The following DOCK11 variants were observed in gnomAD, a reference collection of about 807,000 sequenced individuals.
DOCK11 encodes the protein dedicator of cytokinesis 11, also known as dedicator of cytokinesis protein 11.
In DOCK11, 70 loss-of-function variants were observed where a neutral mutation model predicts 169.1. The ratio of observed to expected loss-of-function variants is 0.41; its 90% confidence interval spans 0.34 to 0.51. DOCK11 has a LOEUF of 0.51. Among genes scored for constraint, DOCK11 ranks in the 20% least tolerant of loss-of-function variants. The probability of loss-of-function intolerance (pLI) is 0.10; values close to 1 mark genes in which losing one functional copy is unlikely to be tolerated. For missense variants in DOCK11, 1,166 were observed against 1,538.8 expected, an observed-to-expected ratio of 0.76 and a Z score of 4.05; for synonymous variants, 529 against 541.3, an observed-to-expected ratio of 0.98 and a Z score of 0.32.
intron 1 of DOCK11, among the ~76,000 whole-genome samples, chrX:118,534,620 G>C (rs1254578503): frequency 8.9e-6 from 1 of 112,235 alleles, no homozygotes; most frequent in East Asian, 2.8e-4. Flanking sequence ...TTAAGTTGTT[G>C]TTCCTAAATT....
Position 118,536,209 on chromosome X carries a change from G to C in DOCK11, c.103-6516G>C, listed in dbSNP as rs2011746862. On this transcript the variant is annotated intron_variant, in intron 1 of 52. Coordinates refer to ENST00000276202, the MANE Select transcript of DOCK11 (RefSeq NM_144658.4). ...GCTACTTGGGAGGCTGAGGTGGGAGGATTGCCTGAGCCCAGGGAGGTTGAG... is the reference window on the plus strand; with the variant it reads ...GCTACTTGGGAGGCTGAGGTGGGAGCATTGCCTGAGCCCAGGGAGGTTGAG... Among the ~76,000 whole-genome samples, 3 of 110,185 alleles carry C rather than the reference G, an allele frequency of 2.7e-5. No individual in the cohort carries two copies. The Admixed American group carries it at 2.9e-4, about 11-fold the overall frequency.
chrX:118,580,803 T>C (rs1431393097), intron 14 of DOCK11, among the ~76,000 whole-genome samples: 1 of 112,309 alleles, frequency 8.9e-6, no homozygotes, highest in Admixed American at 9.4e-5. Context: ...GCAGAAATTA[T>C]AGTGAGTTAT....
rs773005721 is a variant in DOCK11 at position 118,652,088 on chromosome X, A to C, written c.4695+11A>C. On this transcript the variant is annotated intron_variant, in intron 42 of 52. Coordinates refer to ENST00000276202, the MANE Select transcript of DOCK11 (RefSeq NM_144658.4). The stretch of plus-strand genomic sequence containing the variant: ...GACAGACCTATGAAGGTATGTTCTC[A>C]TTTCAGATAATAAATTAGAACCACC... 1 of 1,067,554 alleles carries C rather than the reference A, an allele frequency of 9.4e-7. No homozygotes were observed. The highest frequency in any genetic ancestry group is 1.3e-6 in the Non-Finnish European group (1 of 779,144). 88.0% of individuals were successfully genotyped at this position (1,067,554 alleles called of 1,213,427 possible).
chrX:118,531,440 A>C (rs951902471), intron 1 of DOCK11, among the ~76,000 whole-genome samples: 75 of 85,818 alleles, frequency 8.7e-4, no homozygotes, highest in African/African-American at 2.6e-3. Context: ...AAAAAAAAAA[A>C]AAAAAAAAAA....
At chrX:118,664,575 G>A (rs1378386704) in intron 45 of DOCK11, among the ~76,000 whole-genome samples, 1 of 110,611 alleles carries the variant, frequency 9.0e-6, no homozygotes, top group Non-Finnish European at 1.9e-5. Context: ...AATTTGGGAG[G>A]TGGAGGTTGC....
chrX:118,577,050 A>G (rs1189549964), intron 12 of DOCK11, among the ~76,000 whole-genome samples: 1 of 112,661 alleles, frequency 8.9e-6, no homozygotes, highest in African/African-American at 3.2e-5. Context: ...TTCTTCACCC[A>G]CTTACTCACT....
intron 40 of DOCK11, among the ~76,000 whole-genome samples, chrX:118,647,964 A>ATAT (rs1351240770): frequency 2.1e-5 from 1 of 47,324 alleles, no homozygotes; most frequent in African/African-American, 8.7e-5. Flanking sequence ...AATATATAAT[A>ATAT]TATAATTATA....
At chrX:118,599,313 A>C in intron 23 of DOCK11, 85 bp downstream of exon 23, 1 of 698,578 alleles carries the variant, frequency 1.4e-6, no homozygotes, top group Non-Finnish European at 2.2e-6. Flanking sequence ...AAAAGCAAAC[A>C]GACAGTTTAA....
intron 36 of DOCK11, 109 bp downstream of exon 36, chrX:118,636,521 G>A (rs989857551): frequency 5.7e-6 from 2 of 349,279 alleles, no homozygotes; most frequent in Non-Finnish European, 9.7e-6. Context: ...TGTAGAAAAT[G>A]TTAAATTATT....
intron 6 of DOCK11, among the ~76,000 whole-genome samples, chrX:118,551,864 G>A (rs1006579744): frequency 7.2e-5 from 8 of 110,442 alleles, no homozygotes; most frequent in African/African-American, 1.6e-4. Context: ...ACGAAACCTC[G>A]CCTCTACAAA....
chrX:118,648,686 C>T (rs1272850378), intron 40 of DOCK11, among the ~76,000 whole-genome samples: 2 of 103,351 alleles, frequency 1.9e-5, no homozygotes, highest in African/African-American at 7.0e-5. Flanking sequence ...TCGAGCTCTT[C>T]TCAGATCTAT....
At chrX:118,585,937 T>G (rs1157513120) in intron 16 of DOCK11, among the ~76,000 whole-genome samples, 1 of 112,212 alleles carries the variant, frequency 8.9e-6, no homozygotes, top group Non-Finnish European at 1.9e-5. Flanking sequence ...TAAGGCAAAT[T>G]AAACAATATG....
chrX:118,628,740 AGTC>A (rs1174832027), intron 34 of DOCK11, among the ~76,000 whole-genome samples: 1 of 112,687 alleles, frequency 8.9e-6, no homozygotes, highest in East Asian at 2.8e-4. Flanking sequence ...TCTTCTATCA[AGTC>A]GTTTCACGCC....
chrX:118,576,989 TGA>T (rs2013468789), intron 12 of DOCK11, among the ~76,000 whole-genome samples: 1 of 112,553 alleles, frequency 8.9e-6, no homozygotes, highest in Admixed American at 9.4e-5. Context: ...GACTCAGGGC[TGA>T]GAGAGAATAT....
intron 1 of DOCK11, among the ~76,000 whole-genome samples, chrX:118,516,742 A>G (rs187925826): frequency 2.2e-4 from 25 of 112,353 alleles, no homozygotes; most frequent in African/African-American, 7.4e-4. Flanking sequence ...GCTGACATCT[A>G]TATTTATTGA....
chrX:118,603,282 C>T (rs961415943), intron 23 of DOCK11, among the ~76,000 whole-genome samples: 2 of 112,562 alleles, frequency 1.8e-5, no homozygotes, highest in Non-Finnish European at 3.8e-5. Context: ...CGGGACAGGC[C>T]GGGTATGTCG....
At chrX:118,510,620 G>A (rs935965595) in intron 1 of DOCK11, among the ~76,000 whole-genome samples, 26 of 110,985 alleles carry the variant, frequency 2.3e-4, no homozygotes, top group Admixed American at 2.1e-3. Context: ...GTGTGTGGCG[G>A]GGGGTCAGCG....
chrX:118,588,875 C>T (rs1228636974), intron 18 of DOCK11, among the ~76,000 whole-genome samples: 3 of 112,397 alleles, frequency 2.7e-5, no homozygotes, highest in Non-Finnish European at 3.8e-5. Context: ...ATCTGAGATA[C>T]GACTTCTACT....
At chrX:118,562,209 T>C (rs776188187) in intron 7 of DOCK11, among the ~76,000 whole-genome samples, 6 of 109,203 alleles carry the variant, frequency 5.5e-5, no homozygotes, top group Admixed American at 4.9e-4. Context: ...CATTTTTCCA[T>C]CTTGATTGAT....
Sources: gnomAD v4.1 joint callset for allele counts (sites outside exome capture counted in the v4.1 genomes callset) on GRCh38, gnomAD v4.1.1 for gene constraint, MANE v1.5 for transcripts, NCBI Gene and HGNC (gene_info 2026-07-23, HGNC 2026-07-21) for gene names.